Variants in IQSEC1 observed in about 807,000 individuals in gnomAD.
IQSEC1 encodes IQ motif and Sec7 domain ArfGEF 1, also known as IQ motif and SEC7 domain-containing protein 1.
Under a neutral mutation model 91.0 loss-of-function variants are expected in IQSEC1, and 31 were observed. That is an observed-to-expected ratio of 0.34 (90% CI 0.26 to 0.46). The LOEUF (loss-of-function observed/expected upper bound fraction) is 0.46, where lower values mean the gene tolerates loss of function less well. Ranked by LOEUF, IQSEC1 falls within the 20% of genes least tolerant of loss-of-function variation. IQSEC1 has a pLI of 1.00. For synonymous variants in IQSEC1, 699 were observed against 662.6 expected (o/e 1.05, Z -0.84); for missense variants, 1,388 against 1,575.6 (o/e 0.88, Z 2.02).
intron 1 of IQSEC1, among the ~76,000 whole-genome samples, chr3:13,227,664 G>A (rs934630073): frequency 2.0e-5 from 3 of 152,164 alleles, no homozygotes; most frequent in Admixed American, 6.5e-5. Context: ...CTACAACCAG[G>A]AGAGAGCTGG....
Position 13,179,884 on chromosome 3 carries a change from G to A in IQSEC1, c.273-15751C>T, listed in dbSNP as rs938395284. Among the ~76,000 whole-genome samples, 11 of 152,370 alleles carry A rather than the reference G, an allele frequency of 7.2e-5. No individual in the cohort carries two copies. The East Asian group carries it at 2.1e-3, about 29-fold the overall frequency. On this transcript the variant is annotated intron_variant, in intron 1 of 15. Transcript: ENST00000648114. ...GGCCCCGCCAGCCCCGGGCAGTGAGGGGTTTAGCACCTGGGCCAGCAGCTG... is the reference window on the plus strand; with the variant it reads ...GGCCCCGCCAGCCCCGGGCAGTGAGAGGTTTAGCACCTGGGCCAGCAGCTG...
In IQSEC1 at chr3:13,041,977, C is replaced by T. The variant is rs977473475; in HGVS notation, c.23+31015G>A. ...AAAGAGCAGGCCGGGGACCCCGGGC[C>T]GGTGCAGCTTCCCTGCCTAGGGCTC... On this transcript the variant is annotated intron_variant, in intron 1 of 13. Coordinates refer to ENST00000613206, the MANE Select transcript of IQSEC1 (RefSeq NM_001134382.3). Among the ~76,000 whole-genome samples, 6 of 152,298 alleles carry T rather than the reference C, an allele frequency of 3.9e-5. No individual in the cohort carries two copies. In the South Asian group the frequency reaches 6.2e-4, roughly 16 times the overall value.
chr3:13,236,968 G>C (rs990715869), intron 1 of IQSEC1, among the ~76,000 whole-genome samples: 3 of 152,352 alleles, frequency 2.0e-5, no homozygotes, highest in African/African-American at 7.2e-5. Flanking sequence ...CGGGCGCACT[G>C]GGTGGCCCCA....
rs369662317 is a variant in IQSEC1 at position 13,022,824 on chromosome 3, CCT to C, written c.23+50166_23+50167del. Among the ~76,000 whole-genome samples the C allele has an allele frequency of 4.5e-3, 681 of 152,276 alleles. 7 individuals are homozygous for C. The highest frequency in any genetic ancestry group is 0.014 in the African/African-American group (601 of 41,552). On this transcript the variant is annotated intron_variant, in intron 1 of 13. Transcript: ENST00000613206. ...GCTGCTCCTCTGGACAGTGGTTGGC[CCT>C]CCAAGGGTCTCCAGCTGGTGAGTGA...
Position 12,967,561 on chromosome 3 carries a change from C to T in IQSEC1, c.24-25696G>A, listed in dbSNP as rs1700666016. 1.5e-6 allele frequency: 2 copies of T among 1,343,960 alleles called. No homozygotes were observed. The highest frequency in any genetic ancestry group is 9.5e-7 in the Non-Finnish European group (1 of 1,055,922). 83.3% of individuals were successfully genotyped at this position (1,343,960 alleles called of 1,614,324 possible). ...ATCCCGGGGCCGACACCCGGCCACC[C>T]GGAGACCCGACCACCCGCCACGCGA... On this transcript the variant is annotated intron_variant, in intron 1 of 13. Transcript: ENST00000613206. This position sits in a 1 kb window ranked among gnomAD's most constrained non-coding sequence, Gnocchi z 5.9.
At chr3:13,241,226 G>A (rs2125103246) in intron 1 of IQSEC1, among the ~76,000 whole-genome samples, 1 of 152,340 alleles carries the variant, frequency 6.6e-6, no homozygotes, top group Admixed American at 6.5e-5. Flanking sequence ...ATCTGAGTTT[G>A]GAAAATGCTG....
At chr3:13,080,607 A>G (rs1312468352) in intron 2 of IQSEC1, among the ~76,000 whole-genome samples, 2 of 152,048 alleles carry the variant, frequency 1.3e-5, no homozygotes, top group Admixed American at 1.3e-4. Context: ...GGACATGGAC[A>G]TTTAAGGGAA....
At chr3:13,278,374 C>T (rs920349000) in intron 1 of IQSEC1, among the ~76,000 whole-genome samples, 2 of 152,230 alleles carry the variant, frequency 1.3e-5, no homozygotes, top group Admixed American at 1.3e-4. Context: ...CCACGTGACA[C>T]CGTGAGCCCT....
In IQSEC1 at chr3:12,900,614, C is replaced by T. The variant is rs1694156466; in HGVS notation, c.*369G>A. On this transcript the variant is annotated 3_prime_UTR_variant, in exon 14 of 14. Coordinates refer to ENST00000613206, the MANE Select transcript of IQSEC1 (RefSeq NM_001134382.3). ...TTTTGTCTGTTTTTGTATCTCATTT[C>T]TTCGTTTTCTAGGTTGGGTTTTCAT... The T allele has an allele frequency of 1.9e-5, 20 of 1,063,958 alleles. No homozygotes were observed. Among genetic ancestry groups the T allele is most frequent in the Non-Finnish European group, 2.3e-5 (20 of 879,158 alleles). The allele number at this position is 1,063,958 out of a possible 1,614,324, so 65.9% of individuals were successfully genotyped here.
chr3:12,926,782 A>G (rs1213341648), intron 3 of IQSEC1, among the ~76,000 whole-genome samples: 2 of 152,198 alleles, frequency 1.3e-5, no homozygotes, highest in East Asian at 3.8e-4. Context: ...CAGACACCGC[A>G]TTTCCATGTG....
Position 12,967,423 on chromosome 3 carries a change from C to T in IQSEC1, c.24-25558G>A, listed in dbSNP as rs1210587898. ...CTCTAGCTCCAGAAGGGACTGGGTCCTCTCCGAGTTGCAGTGCAGGCACCA... is the reference window on the plus strand; with the variant it reads ...CTCTAGCTCCAGAAGGGACTGGGTCTTCTCCGAGTTGCAGTGCAGGCACCA... On this transcript the variant is annotated intron_variant, in intron 1 of 13. Transcript: ENST00000613206. The surrounding 1 kb of genome is among the most constrained non-coding windows in gnomAD (Gnocchi z 5.9). 6.5e-7 allele frequency: 1 copy of T among 1,534,854 alleles called. No homozygotes were observed. The highest frequency in any genetic ancestry group is 8.7e-7 in the Non-Finnish European group (1 of 1,144,702).
intron 2 of IQSEC1, among the ~76,000 whole-genome samples, chr3:13,163,166 C>T (rs1445685267): frequency 6.6e-6 from 1 of 152,146 alleles, no homozygotes; most frequent in Non-Finnish European, 1.5e-5. Context: ...ACCCCCTGTG[C>T]TGCCACCCAA....
intron 1 of IQSEC1, among the ~76,000 whole-genome samples, chr3:12,962,866 T>C (rs937766880): frequency 1.3e-5 from 2 of 152,202 alleles, no homozygotes; most frequent in South Asian, 2.1e-4. Context: ...ATCAACCAGC[T>C]TGTGGGCTGA....
intron 1 of IQSEC1, among the ~76,000 whole-genome samples, chr3:13,018,740 G>A (rs1049834804): frequency 6.6e-6 from 1 of 152,156 alleles, no homozygotes; most frequent in African/African-American, 2.4e-5. Flanking sequence ...GGGAAACAGG[G>A]GCTCAGGGAG....
chr3:13,028,752 T>C (rs1019631694), intron 1 of IQSEC1, among the ~76,000 whole-genome samples: 3 of 152,356 alleles, frequency 2.0e-5, no homozygotes, highest in African/African-American at 7.2e-5. Context: ...TGCTCAGATC[T>C]TCTATGCAAG....
At chr3:12,986,712 C>A (rs1026331155) in intron 1 of IQSEC1, among the ~76,000 whole-genome samples, 1 of 152,194 alleles carries the variant, frequency 6.6e-6, no homozygotes, top group Non-Finnish European at 1.5e-5. Flanking sequence ...ACCCTCCCAC[C>A]CAGAGGCACA....
At chr3:13,099,970 G>C (rs544326458) in intron 2 of IQSEC1, among the ~76,000 whole-genome samples, 2 of 122,632 alleles carry the variant, frequency 1.6e-5, no homozygotes, top group African/African-American at 6.9e-5. Flanking sequence ...GAAAGGAGAG[G>C]AGGTCGGAGG....
At chr3:12,959,720 T>C (rs1700125846) in intron 1 of IQSEC1, among the ~76,000 whole-genome samples, 1 of 152,150 alleles carries the variant, frequency 6.6e-6, no homozygotes, top group Non-Finnish European at 1.5e-5. Context: ...GTCCTTGATA[T>C]AAAATCAACA....
chr3:12,953,291 G>A (rs923160579), intron 1 of IQSEC1, among the ~76,000 whole-genome samples: 5 of 152,212 alleles, frequency 3.3e-5, no homozygotes, highest in Non-Finnish European at 7.3e-5. Flanking sequence ...AGCCCGACCC[G>A]ATCCGCGAGG....
Sources: gnomAD v4.1 joint callset for allele counts (sites outside exome capture counted in the v4.1 genomes callset) on GRCh38, gnomAD v4.1.1 for gene constraint, Gnocchi (gnomAD v3.1) non-coding constraint, MANE v1.5 for transcripts, NCBI Gene and HGNC (gene_info 2026-07-23, HGNC 2026-07-21) for gene names.